The following FRAT1 variants were observed in gnomAD, a reference collection of about 807,000 sequenced individuals.
The protein encoded by FRAT1 is proto-oncogene FRAT1.
Under a neutral mutation model 16.9 loss-of-function variants are expected in FRAT1, and 9 were observed. That is an observed-to-expected ratio of 0.53 (90% CI 0.32 to 0.93). The LOEUF is 0.93. FRAT1 is among the 40% of genes least tolerant of loss of function. FRAT1 has a pLI of 0.04. For missense variants in FRAT1, 354 were observed against 402.8 expected (o/e 0.88, Z 1.04); for synonymous variants, 191 against 202.1 (o/e 0.95, Z 0.46).
chr10:97,319,497 C>T lies in FRAT1; in HGVS notation c.44C>T (p.Ala15Val), dbSNP rs752112815. ...GAGGAAGAGGAAGCCGGCGAGGAGGCGGAGGGGGAGGAAGAGGAGGAGGAC... is the reference window on the plus strand; with the variant it reads ...GAGGAAGAGGAAGCCGGCGAGGAGGTGGAGGGGGAGGAAGAGGAGGAGGAC... ...REEEEEAGEE[A>V]EGEEEEEDSF... is the part of the protein sequence containing the mutation. The change falls in exon 1 of 1, where the codon GCG becomes GTG. Residue 15 changes from alanine to valine, a missense_variant. Around this residue, in one of 3 missense-constraint regions of FRAT1, gnomAD observed 46 missense variants for 37.7 expected, o/e 1.22. Coordinates refer to ENST00000371021, the MANE Select transcript of FRAT1 (RefSeq NM_005479.4). The T allele has an allele frequency of 7.5e-6, 11 of 1,473,692 alleles. No individual in the cohort carries two copies. In the South Asian group the frequency reaches 1.0e-4, roughly 14 times the overall value. The allele number at this position is 1,473,692 out of a possible 1,614,324, so 91.3% of individuals were successfully genotyped here. A position where few individuals can be genotyped will look rare whatever the true frequency, so the allele number is the denominator to read the frequency against.
rs1356348572 is a variant in FRAT1, at chr10:97,320,023, A to G, written c.570A>G (p.Pro190=). The change falls in exon 1 of 1, where the codon CCA becomes CCG. Residue 190 remains proline, a synonymous_variant. Coordinates refer to ENST00000371021, the MANE Select transcript of FRAT1 (RefSeq NM_005479.4). ...RRLQQRRGSQ[P]ETRTGDDDPH... is the part of the protein sequence containing the mutation. ...TGCAGCAGCGACGCGGGTCCCAACC[A>G]GAAACCCGCACAGGCGACGACGACC... is the stretch of plus-strand genomic sequence containing the variant. 1.3e-6 allele frequency: 2 copies of G among 1,563,818 alleles called. No individual in the cohort carries two copies. The highest frequency in any genetic ancestry group is 1.7e-6 in the Non-Finnish European group (2 of 1,154,770).
In FRAT1 at chr10:97,320,006, C is replaced by A. The variant is rs1405823826; in HGVS notation, c.553C>A (p.Arg185=). ...CGCCGCCTCCCGCCGCCTGCAGCAG[C>A]GACGCGGGTCCCAACCAGAAACCCG... ...GAAASRRLQQ[R]RGSQPETRTG... Residue 185 remains arginine (R), a synonymous_variant, in exon 1 of 1, where the codon CGA becomes AGA. Coordinates refer to ENST00000371021, the MANE Select transcript of FRAT1 (RefSeq NM_005479.4). 1 of 1,554,322 alleles carries A rather than the reference C, an allele frequency of 6.4e-7. No individual in the cohort carries two copies. The highest frequency in any genetic ancestry group is 1.4e-5 in the African/African-American group (1 of 73,168).
rs1437905645 is a variant in FRAT1, at chr10:97,321,603, T to G, written c.*1310T>G. The stretch of plus-strand genomic sequence containing the variant: ...GGAGAAGCTGCAGGCTTTGCCATTG[T>G]GAACCATGGTGAAGTGCTTGGAACA... On this transcript the variant is annotated 3_prime_UTR_variant, in exon 1 of 1. Coordinates refer to ENST00000371021, the MANE Select transcript of FRAT1 (RefSeq NM_005479.4). 1.8e-5 allele frequency: 3 copies of G among 167,144 alleles called. No individual in the cohort carries two copies. The highest frequency in any genetic ancestry group is 2.9e-5 in the Non-Finnish European group (2 of 68,146). The allele number at this position is 167,144 out of a possible 1,614,324, so 10.4% of individuals were successfully genotyped here. A position where few individuals can be genotyped will look rare whatever the true frequency, so the allele number is the denominator to read the frequency against.
rs1384241683 is a variant in FRAT1 at position 97,319,333 on chromosome 10, C to T, written c.-121C>T. 4.3e-5 allele frequency: 52 copies of T among 1,211,152 alleles called. No individual in the cohort carries two copies. The highest frequency in any genetic ancestry group is 5.3e-5 in the Non-Finnish European group (51 of 967,788). 75.0% of individuals were successfully genotyped at this position (1,211,152 alleles called of 1,614,324 possible). ...GGCGGGCTCCGGCTTCCGCGTCCGC[C>T]CCGGCCCCGGTCCAGACTTAGTCTT... On this transcript the variant is annotated 5_prime_UTR_variant, in exon 1 of 1. Coordinates refer to ENST00000371021, the MANE Select transcript of FRAT1 (RefSeq NM_005479.4).
Position 97,319,692 on chromosome 10 carries a change from CG to C in FRAT1, c.241del (p.Val81CysfsTer126). ...CGGGCCCCGGGGCCCCTGGCTGCGG[CG>C]GTGCCGGCGGACAAGGCCAGGTCCC... ...PLRAPGPLAA[A>X]VPADKARSPA... On this transcript the variant is annotated frameshift_variant, in exon 1 of 1. Transcript: ENST00000371021. LOFTEE classifies it high-confidence loss of function. The C allele has an allele frequency of 8.5e-7, 1 of 1,170,154 alleles. No homozygotes were observed. The allele number at this position is 1,170,154 out of a possible 1,614,324, so 72.5% of individuals were successfully genotyped here. A position where few individuals can be genotyped will look rare whatever the true frequency, so the allele number is the denominator to read the frequency against.
rs930984948 is a variant in FRAT1 at position 97,321,480 on chromosome 10, G to A, written c.*1187G>A. Reference sequence around the variant, plus strand: ...TTGCAATAACAGCTGCAATTCCCTGGATAGACGAGTTGATTTCCTCCCTCT... The same window carrying A: ...TTGCAATAACAGCTGCAATTCCCTGAATAGACGAGTTGATTTCCTCCCTCT... On this transcript the variant is annotated 3_prime_UTR_variant, in exon 1 of 1. Transcript: ENST00000371021. 1 of 167,234 alleles carries A rather than the reference G, an allele frequency of 6.0e-6. No individual in the cohort carries two copies. The highest frequency in any genetic ancestry group is 2.4e-5 in the African/African-American group (1 of 41,454). 10.4% of individuals were successfully genotyped at this position (167,234 alleles called of 1,614,324 possible). A position where few individuals can be genotyped will look rare whatever the true frequency, so the allele number is the denominator to read the frequency against.
chr10:97,320,137 T>C lies in FRAT1; in HGVS notation c.684T>C (p.Arg228=), dbSNP rs1185649416. Residue 228 remains arginine, a synonymous_variant, in exon 1 of 1, where the codon CGT becomes CGC. Transcript: ENST00000371021. The part of the protein sequence containing the change: ...RRLHSRRLQL[R]AKLPQRPLLG... ...TTCATTCGCGACGGCTGCAGTTACG[T>C]GCAAAGCTTCCCCAACGCCCGCTCC... 6.2e-7 allele frequency: 1 copy of C among 1,612,370 alleles called. No individual in the cohort carries two copies. Among genetic ancestry groups the C allele is most frequent in the East Asian group, 2.2e-5 (1 of 44,770 alleles).
rs762142513 is a variant in FRAT1 at position 97,320,215 on chromosome 10, C to A, written c.762C>A (p.Arg254=). ...AACCCCCTTCGCCTCGCAGCCCTCG[C>A]GCGGCCTGCAGTGACCCTGGCGCCT... ...VHEPPSPRSP[R]AACSDPGASG... Residue 254 remains arginine, a synonymous_variant, in exon 1 of 1, where the codon CGC becomes CGA. Transcript: ENST00000371021. The A allele has an allele frequency of 1.2e-6, 2 of 1,608,262 alleles. No homozygotes were observed. The highest frequency in any genetic ancestry group is 2.2e-5 in the East Asian group (1 of 44,484).
Position 97,319,544 on chromosome 10 carries a change from T to TC in FRAT1, c.92dup (p.Val32SerfsTer119). The stretch of plus-strand genomic sequence containing the variant: ...GGACAGCTTCCTCCTACTGCAGCAG[T>TC]CAGTGGCGCTGGGCAGCTCGGGCGA... On this transcript the variant is annotated frameshift_variant, in exon 1 of 1. Coordinates refer to ENST00000371021, the MANE Select transcript of FRAT1 (RefSeq NM_005479.4). LOFTEE classifies it high-confidence loss of function. The TC allele has an allele frequency of 6.8e-7, 1 of 1,476,234 alleles. No individual in the cohort carries two copies. The highest frequency in any genetic ancestry group is 9.0e-7 in the Non-Finnish European group (1 of 1,116,502). The allele number at this position is 1,476,234 out of a possible 1,614,324, so 91.4% of individuals were successfully genotyped here.
chr10:97,319,743 C>T lies in FRAT1; in HGVS notation c.290C>T (p.Pro97Leu). The change falls in exon 1 of 1, where the codon CCC becomes CTC. Residue 97 changes from proline to leucine, a missense_variant. By Grantham distance (98) the Pro-to-Leu change is moderately conservative. Coordinates refer to ENST00000371021, the MANE Select transcript of FRAT1 (RefSeq NM_005479.4). The part of the protein sequence containing the change: ...RSPAVPLLLP[P>L]ALAETVGPAP... ...CCGGCGGTGCCGCTGCTGCTGCCGC[C>T]CGCGTTGGCGGAGACTGTGGGCCCG... 8.3e-7 allele frequency: 1 copy of T among 1,205,216 alleles called. No individual in the cohort carries two copies. The highest frequency in any genetic ancestry group is 1.0e-6 in the Non-Finnish European group (1 of 972,296). 74.7% of individuals were successfully genotyped at this position (1,205,216 alleles called of 1,614,324 possible). A position where few individuals can be genotyped will look rare whatever the true frequency, so the allele number is the denominator to read the frequency against.
Position 97,320,257 on chromosome 10 carries a change from C to T in FRAT1, c.804C>T (p.Leu268=). 6.3e-7 allele frequency: 1 copy of T among 1,597,246 alleles called. No homozygotes were observed. The highest frequency in any genetic ancestry group is 8.5e-7 in the Non-Finnish European group (1 of 1,172,566). ...CTGGCGCCTCCGGGAGGGCGCAGCT[C>T]AGAACTGGCGACGGCGTTCTTGTGC... is the stretch of plus-strand genomic sequence containing the variant. The part of the protein sequence containing the change: ...SDPGASGRAQ[L]RTGDGVLVPG... The change falls in exon 1 of 1, where the codon CTC becomes CTT. Residue 268 remains leucine, a synonymous_variant. Transcript: ENST00000371021.
In FRAT1 at chr10:97,321,265, G is replaced by C. The variant is rs1186626578; in HGVS notation, c.*972G>C. On this transcript the variant is annotated 3_prime_UTR_variant, in exon 1 of 1. Transcript: ENST00000371021. ...CGACCACCGCCCCTGGCCGCGCTCC[G>C]GGCTTTCACGGAAACTCCCGAGACC... 2 of 166,512 alleles carry C rather than the reference G, an allele frequency of 1.2e-5. No individual in the cohort carries two copies. The highest frequency in any genetic ancestry group is 2.9e-5 in the Non-Finnish European group (2 of 68,116). The allele number at this position is 166,512 out of a possible 1,614,324, so 10.3% of individuals were successfully genotyped here. A position where few individuals can be genotyped will look rare whatever the true frequency, so the allele number is the denominator to read the frequency against.
Position 97,319,500 on chromosome 10 carries a change from A to G in FRAT1, c.47A>G (p.Glu16Gly), listed in dbSNP as rs768028957. The part of the protein sequence containing the change: ...EEEEEAGEEA[E>G]GEEEEEDSFL... ...GAAGAGGAAGCCGGCGAGGAGGCGG[A>G]GGGGGAGGAAGAGGAGGAGGACAGC... The change falls in exon 1 of 1, where the codon GAG becomes GGG. Residue 16 changes from glutamate (E) to glycine (G), a missense_variant. Around this residue, in one of 3 missense-constraint regions of FRAT1, gnomAD observed 46 missense variants for 37.7 expected, o/e 1.22. Coordinates refer to ENST00000371021, the MANE Select transcript of FRAT1 (RefSeq NM_005479.4). The G allele has an allele frequency of 1.4e-6, 2 of 1,475,260 alleles. No homozygotes were observed. The highest frequency in any genetic ancestry group is 2.6e-5 in the South Asian group (2 of 78,310). The allele number at this position is 1,475,260 out of a possible 1,614,324, so 91.4% of individuals were successfully genotyped here.
At position 97,319,979 on chromosome 10, in the gene FRAT1, GCCGCCGCCTC is replaced by G. The variant is rs1564737429; in HGVS notation, c.536_545del (p.Ser179CysfsTer25). On this transcript the variant is annotated frameshift_variant, in exon 1 of 1. Coordinates refer to ENST00000371021, the MANE Select transcript of FRAT1 (RefSeq NM_005479.4). LOFTEE classifies it high-confidence loss of function. ...GTGCCGGCGAGGATGGCTCCGGGGC[GCCGCCGCCTC>G]CCGCCGCCTGCAGCAGCGACGCGGG... is the stretch of plus-strand genomic sequence containing the variant. The G allele has an allele frequency of 9.1e-6, 14 of 1,544,656 alleles. No individual in the cohort carries two copies. Among genetic ancestry groups the G allele is most frequent in the South Asian group, 2.4e-5 (2 of 84,332 alleles).
Position 97,319,897 on chromosome 10 carries a change from C to T in FRAT1, c.444C>T (p.Asp148=), listed in dbSNP as rs1319303886. ...SALSPLPPQA[D]LDGPPGAGKQ... is the part of the protein sequence containing the mutation. Reference sequence around the variant, plus strand: ...TGTCCCCACTGCCCCCTCAGGCCGACCTTGATGGGCCTCCGGGAGCTGGCA... The same window carrying T: ...TGTCCCCACTGCCCCCTCAGGCCGATCTTGATGGGCCTCCGGGAGCTGGCA... The change falls in exon 1 of 1, where the codon GAC becomes GAT. Residue 148 remains aspartate (D), a synonymous_variant. Transcript: ENST00000371021. 6.5e-7 allele frequency: 1 copy of T among 1,529,918 alleles called. No homozygotes were observed. Among genetic ancestry groups the T allele is most frequent in the South Asian group, 1.2e-5 (1 of 83,478 alleles). The allele number at this position is 1,529,918 out of a possible 1,614,324, so 94.8% of individuals were successfully genotyped here. A position where few individuals can be genotyped will look rare whatever the true frequency, so the allele number is the denominator to read the frequency against.
At position 97,319,338 on chromosome 10, in the gene FRAT1, C is replaced by CCCCGGT; in HGVS notation, c.-113_-108dup. The CCCCGGT allele has an allele frequency of 3.3e-6, 4 of 1,217,568 alleles. No individual in the cohort carries two copies. The highest frequency in any genetic ancestry group is 4.1e-6 in the Non-Finnish European group (4 of 973,044). 75.4% of individuals were successfully genotyped at this position (1,217,568 alleles called of 1,614,324 possible). A position where few individuals can be genotyped will look rare whatever the true frequency, so the allele number is the denominator to read the frequency against. On this transcript the variant is annotated 5_prime_UTR_variant, in exon 1 of 1. Coordinates refer to ENST00000371021, the MANE Select transcript of FRAT1 (RefSeq NM_005479.4). The stretch of plus-strand genomic sequence containing the variant: ...GCTCCGGCTTCCGCGTCCGCCCCGG[C>CCCCGGT]CCCGGTCCAGACTTAGTCTTCAGCT...
At position 97,320,695 on chromosome 10, in the gene FRAT1, C is replaced by T. The variant is rs894408546; in HGVS notation, c.*402C>T. On this transcript the variant is annotated 3_prime_UTR_variant, in exon 1 of 1. Coordinates refer to ENST00000371021, the MANE Select transcript of FRAT1 (RefSeq NM_005479.4). ...GAACCACGGAGGATGATGCCAGTTA[C>T]TTGCTTTACCTTTTCAGGGCTGGCT... The T allele has an allele frequency of 4.8e-6, 1 of 209,788 alleles. No homozygotes were observed. Among genetic ancestry groups the T allele is most frequent in the Non-Finnish European group, 1.0e-5 (1 of 98,224 alleles). The allele number at this position is 209,788 out of a possible 1,614,324, so 13.0% of individuals were successfully genotyped here. A position where few individuals can be genotyped will look rare whatever the true frequency, so the allele number is the denominator to read the frequency against.
chr10:97,319,856 A>G lies in FRAT1; in HGVS notation c.403A>G (p.Thr135Ala), dbSNP rs1311371214. 4 of 1,507,106 alleles carry G rather than the reference A, an allele frequency of 2.7e-6. No individual in the cohort carries two copies. The highest frequency in any genetic ancestry group is 2.5e-5 in the South Asian group (2 of 80,622). The allele number at this position is 1,507,106 out of a possible 1,614,324, so 93.4% of individuals were successfully genotyped here. The part of the protein sequence containing the change: ...AAPYCVAELA[T>A]GPSALSPLPP... Reference sequence around the variant, plus strand: ...GCCCTACTGCGTGGCCGAGCTCGCCACAGGCCCCAGCGCGCTGTCCCCACT... The same window carrying G: ...GCCCTACTGCGTGGCCGAGCTCGCCGCAGGCCCCAGCGCGCTGTCCCCACT... The change falls in exon 1 of 1, where the codon ACA (threonine) becomes GCA (alanine). Residue 135 changes from threonine to alanine, a missense_variant. Around this residue, in one of 3 missense-constraint regions of FRAT1, gnomAD observed 286 missense variants for 311.0 expected, o/e 0.92. Coordinates refer to ENST00000371021, the MANE Select transcript of FRAT1 (RefSeq NM_005479.4).
At position 97,319,972 on chromosome 10, in the gene FRAT1, C is replaced by A. The variant is rs1843444728; in HGVS notation, c.519C>A (p.Leu173=). The change falls in exon 1 of 1, where the codon CTC becomes CTA. Residue 173 remains leucine, a synonymous_variant. Coordinates refer to ENST00000371021, the MANE Select transcript of FRAT1 (RefSeq NM_005479.4). The part of the protein sequence containing the change: ...PLSGPCRRGW[L]RGAAASRRLQ... ...CGGGTCCGTGCCGGCGAGGATGGCT[C>A]CGGGGCGCCGCCGCCTCCCGCCGCC... 1 of 1,543,210 alleles carries A rather than the reference C, an allele frequency of 6.5e-7. No homozygotes were observed.
Sources: allele counts gnomAD v4.1 joint callset, GRCh38; gene constraint gnomAD v4.1.1; regional missense constraint gnomAD v4.1.1; transcripts MANE v1.5; gene names NCBI Gene and HGNC (gene_info 2026-07-23, HGNC 2026-07-21).